KPNA1: variants seen among roughly 807,000 people sequenced by gnomAD.
KPNA1 encodes karyopherin subunit alpha 1.
A neutral mutation model predicts 70.5 loss-of-function variants in KPNA1; 10 were observed. The ratio of observed to expected loss-of-function variants is 0.14; its 90% CI spans 0.09 to 0.24. The LOEUF (loss-of-function observed/expected upper bound fraction) is 0.24, where lower values mean the gene tolerates loss of function less well. Ranked by LOEUF, KPNA1 falls within the 10% of genes least tolerant of loss-of-function variation. The probability of loss-of-function intolerance (pLI) is 1.00; values close to 1 mark genes in which losing one functional copy is unlikely to be tolerated. For synonymous variants in KPNA1, 192 were observed against 221.9 expected (o/e 0.87, Z 1.20); for missense variants, 397 against 637.9 (o/e 0.62, Z 4.07).
intron 12 of KPNA1, 37 bp downstream of exon 12, chr3:122,433,624 T>A (rs762071736): frequency 6.5e-7 from 1 of 1,541,072 alleles, no homozygotes; most frequent in Admixed American, 2.1e-5. Flanking sequence ...TAATAATTTT[T>A]CTTTAACTTA....
intron 4 of KPNA1, among the ~76,000 whole-genome samples, chr3:122,463,021 C>T (rs900625789): frequency 1.3e-5 from 2 of 151,944 alleles, no homozygotes; most frequent in Admixed American, 6.6e-5. Flanking sequence ...ATATCGAGAT[C>T]ATCCTGGCCA....
At chr3:122,474,797 C>A (rs2076479735) in intron 2 of KPNA1, among the ~76,000 whole-genome samples, 1 of 151,992 alleles carries the variant, frequency 6.6e-6, no homozygotes, top group African/African-American at 2.4e-5. Flanking sequence ...AAGCATGAGA[C>A]AAATTTCAAC....
At chr3:122,432,164 A>G (rs1236140311) in intron 12 of KPNA1, among the ~76,000 whole-genome samples, 1 of 152,196 alleles carries the variant, frequency 6.6e-6, no homozygotes, top group Non-Finnish European at 1.5e-5. Context: ...ATAACTATAA[A>G]TGTGAATTTG....
chr3:122,483,353 GT>G (rs201313311), intron 2 of KPNA1: 1 of 154,466 alleles, frequency 6.5e-6, no homozygotes, highest in Non-Finnish European at 1.4e-5. Context: ...GTTTTGTTTT[GT>G]TTTTTTTAAA....
chr3:122,446,290 A>G (rs2076136924), intron 9 of KPNA1, among the ~76,000 whole-genome samples: 1 of 152,228 alleles, frequency 6.6e-6, no homozygotes, highest in Non-Finnish European at 1.5e-5. Flanking sequence ...CTGCTCAGCA[A>G]ATGTAAAAGA....
chr3:122,432,011 C>G (rs1278941716), intron 12 of KPNA1, among the ~76,000 whole-genome samples: 2 of 152,100 alleles, frequency 1.3e-5, no homozygotes, highest in African/African-American at 2.4e-5. Context: ...ACCCTGTTGG[C>G]CAGGCTGGTC....
chr3:122,484,158 G>A (rs990535689), intron 2 of KPNA1, among the ~76,000 whole-genome samples: 25 of 152,268 alleles, frequency 1.6e-4, no homozygotes, highest in African/African-American at 6.0e-4. Flanking sequence ...TTGGTGGGAT[G>A]TATGCAGTAA....
chr3:122,478,039 C>T (rs1287340611), intron 2 of KPNA1, among the ~76,000 whole-genome samples: 1 of 150,578 alleles, frequency 6.6e-6, no homozygotes, highest in Admixed American at 6.6e-5. Flanking sequence ...GCACGTGCCT[C>T]TAATGCCAGC....
Position 122,427,670 on chromosome 3 carries a change from TGAG to T in KPNA1, c.1294_1296del (p.Leu432del). ...TGTACAATCTTAGAGTCCATGACCG[TGAG>T]GAGATCACAGAGCGGCTTGATACAA... On this transcript the variant is annotated inframe_deletion, in exon 13 of 14. Transcript: ENST00000344337. 1 of 1,613,510 alleles carries T rather than the reference TGAG, an allele frequency of 6.2e-7. No homozygotes were observed. Among genetic ancestry groups the T allele is most frequent in the Non-Finnish European group, 8.5e-7 (1 of 1,179,596 alleles).
chr3:122,435,414 T>TA (rs1560017807), intron 11 of KPNA1, among the ~76,000 whole-genome samples: 1 of 152,164 alleles, frequency 6.6e-6, no homozygotes. Context: ...AGTAACTATT[T>TA]AAAGAAAAAT....
intron 2 of KPNA1, among the ~76,000 whole-genome samples, chr3:122,489,050 T>TTGCG (rs1365618904): frequency 1.1e-5 from 1 of 88,792 alleles, no homozygotes; most frequent in Non-Finnish European, 2.5e-5. Flanking sequence ...GTGGGTTTTT[T>TTGCG]TGCGTGCGTG....
chr3:122,431,810 T>G (rs1337079147), intron 12 of KPNA1, among the ~76,000 whole-genome samples: 1 of 151,794 alleles, frequency 6.6e-6, no homozygotes, highest in Non-Finnish European at 1.5e-5. Context: ...TTCTTCTTTT[T>G]TTTTTTTTGT....
chr3:122,479,513 A>G (rs2076546064), intron 2 of KPNA1, among the ~76,000 whole-genome samples: 1 of 152,136 alleles, frequency 6.6e-6, no homozygotes, highest in Admixed American at 6.5e-5. Flanking sequence ...TAATCCCAGC[A>G]CTTTGGGAGG....
chr3:122,514,418 C>A (rs1018398030), intron 1 of KPNA1: 2 of 151,288 alleles, frequency 1.3e-5, no homozygotes, highest in Admixed American at 1.3e-4. Flanking sequence ...CGCTCGCCTC[C>A]TCTCCGCCCG....
At chr3:122,489,626 G>T (rs1018768493) in intron 2 of KPNA1, among the ~76,000 whole-genome samples, 3 of 152,014 alleles carry the variant, frequency 2.0e-5, no homozygotes, top group African/African-American at 7.3e-5. Context: ...ATATGGTATG[G>T]TTATAATAAC....
intron 10 of KPNA1, among the ~76,000 whole-genome samples, chr3:122,437,795 T>G (rs2076008165): frequency 6.6e-6 from 1 of 151,984 alleles, no homozygotes; most frequent in Non-Finnish European, 1.5e-5. Flanking sequence ...CAAATACACA[T>G]GAAGAAGGAG....
At chr3:122,429,542 A>C (rs1163775759) in intron 12 of KPNA1, among the ~76,000 whole-genome samples, 1 of 152,020 alleles carries the variant, frequency 6.6e-6, no homozygotes, top group African/African-American at 2.4e-5. Context: ...TATGAGGAAA[A>C]CTACAAAACT....
rs890064964 is a variant in KPNA1 at position 122,422,602 on chromosome 3, G to A, written c.*4383C>T. The A allele has an allele frequency of 2.0e-5, 3 of 152,228 alleles. No homozygotes were observed. Among genetic ancestry groups the A allele is most frequent in the Non-Finnish European group, 2.9e-5 (2 of 68,040 alleles). 9.4% of individuals were successfully genotyped at this position (152,228 alleles called of 1,614,324 possible). The stretch of plus-strand genomic sequence containing the variant: ...GGGAGATCCTGGGCACGGAACTACT[G>A]CGTGGCCACTGCTTTCTTCAAGACA... On this transcript the variant is annotated 3_prime_UTR_variant, in exon 14 of 14. Coordinates refer to ENST00000344337, the MANE Select transcript of KPNA1 (RefSeq NM_002264.4).
intron 3 of KPNA1, among the ~76,000 whole-genome samples, chr3:122,465,298 C>T (rs1202747962): frequency 6.6e-6 from 1 of 152,214 alleles, no homozygotes. Flanking sequence ...AAAAAGTACA[C>T]TTAATACACC....
Sources: gnomAD v4.1 joint callset for allele counts (sites outside exome capture counted in the v4.1 genomes callset) on GRCh38, gnomAD v4.1.1 for gene constraint, MANE v1.5 for transcripts, NCBI Gene and HGNC (gene_info 2026-07-23, HGNC 2026-07-21) for gene names.